Variants in HHAT observed in about 807,000 individuals in gnomAD.
The protein encoded by HHAT is protein-cysteine N-palmitoyltransferase HHAT.
HHAT carries 47 observed loss-of-function variants against 70.8 expected under a neutral mutation model. That is an observed-to-expected ratio of 0.66 (90% confidence interval 0.53 to 0.85). HHAT has a LOEUF of 0.85. Among genes scored for constraint, HHAT ranks in the 40% least tolerant of loss-of-function variants. The pLI is 0.00. For synonymous variants in HHAT, 228 were observed against 247.6 expected (o/e 0.92, Z 0.74); for missense variants, 609 against 604.8 (o/e 1.01, Z -0.07).
chr1:210,491,654 T>G (rs558316000), intron 8 of HHAT, among the ~76,000 whole-genome samples: 1 of 152,362 alleles, frequency 6.6e-6, no homozygotes, highest in East Asian at 1.9e-4. Flanking sequence ...ACTTATATTC[T>G]GCTCCCAGTT....
intron 8 of HHAT, among the ~76,000 whole-genome samples, chr1:210,507,895 A>G (rs1002991347): frequency 2.0e-5 from 3 of 152,088 alleles, no homozygotes; most frequent in Non-Finnish European, 2.9e-5. Flanking sequence ...ATCATTCCAC[A>G]TTATGTTAAA....
At chr1:210,513,006 T>C in intron 8 of HHAT, 147 bp from the exon 9 acceptor site, 1 of 557,316 alleles carries the variant, frequency 1.8e-6, no homozygotes, top group Non-Finnish European at 3.1e-6. Flanking sequence ...GGAATGCTGC[T>C]GCTCCAGCAG....
At chr1:210,400,396 C>A in intron 4 of HHAT, 72 bp from the exon 5 acceptor site, 1 of 1,358,592 alleles carries the variant, frequency 7.4e-7, no homozygotes, top group Non-Finnish European at 1.0e-6. Context: ...CTTCCATGAG[C>A]TCACTTCTGT....
At chr1:210,600,375 G>A (rs774646673) in intron 10 of HHAT, among the ~76,000 whole-genome samples, 1 of 152,086 alleles carries the variant, frequency 6.6e-6, no homozygotes, top group African/African-American at 2.4e-5. Flanking sequence ...ATTGAATACC[G>A]AAAAAAACTA....
At chr1:210,467,297 A>G (rs2094126670) in intron 8 of HHAT, among the ~76,000 whole-genome samples, 1 of 152,190 alleles carries the variant, frequency 6.6e-6, no homozygotes, top group South Asian at 2.1e-4. Flanking sequence ...AATTGAAAAA[A>G]AAGAATAACA....
At chr1:210,525,620 C>T (rs2095233918) in intron 9 of HHAT, among the ~76,000 whole-genome samples, 3 of 152,102 alleles carry the variant, frequency 2.0e-5, no homozygotes, top group Admixed American at 2.0e-4. Context: ...ATTAATGAGA[C>T]AATCCAGATT....
chr1:210,341,861 G>A (rs774034846), intron 1 of HHAT, among the ~76,000 whole-genome samples: 3 of 152,018 alleles, frequency 2.0e-5, no homozygotes, highest in Non-Finnish European at 4.4e-5. Flanking sequence ...GGTGGAGAAA[G>A]CTCCCTATTC....
chr1:210,480,613 C>T (rs529601362), intron 8 of HHAT, among the ~76,000 whole-genome samples: 22 of 152,252 alleles, frequency 1.4e-4, no homozygotes, highest in Non-Finnish European at 2.6e-4. Flanking sequence ...TGTTTGGAGC[C>T]CGTTACATCC....
chr1:210,541,726 C>CA (rs1167205526), intron 9 of HHAT, among the ~76,000 whole-genome samples: 4 of 152,076 alleles, frequency 2.6e-5, no homozygotes, highest in East Asian at 3.9e-4. Flanking sequence ...GACTCCATCT[C>CA]AAAAAACAAA....
rs1245578473 is a variant in HHAT at position 210,520,684 on chromosome 1, T to A, written c.1043+7496T>A. On this transcript the variant is annotated intron_variant, in intron 9 of 11. Transcript: ENST00000261458. ...GTCTCTGAAACATTAAATTTGTCAA[T>A]TTATAATTTTTATTGCTCTTTAGGT... 8.5e-5 allele frequency among the ~76,000 whole-genome samples: 13 copies of A among 152,214 alleles called. 1 individual carries two copies.
chr1:210,352,556 G>T (rs2087137700), intron 2 of HHAT, among the ~76,000 whole-genome samples: 1 of 152,160 alleles, frequency 6.6e-6, no homozygotes, highest in Admixed American at 6.5e-5. Flanking sequence ...TATTTGTTCA[G>T]TGAAATGTCT....
intron 11 of HHAT, among the ~76,000 whole-genome samples, chr1:210,647,179 C>T (rs1164156696): frequency 6.6e-6 from 1 of 152,178 alleles, no homozygotes; most frequent in Admixed American, 6.5e-5. Flanking sequence ...TTTCATGTTC[C>T]TTGGATTGTA....
intron 8 of HHAT, among the ~76,000 whole-genome samples, chr1:210,495,860 C>T (rs2094629102): frequency 6.6e-6 from 1 of 151,706 alleles, no homozygotes; most frequent in African/African-American, 2.4e-5. Context: ...ATACAAAAGC[C>T]AGATGGGTAT....
In HHAT at chr1:210,418,303, G is replaced by C. The variant is rs561841936; in HGVS notation, c.834G>C (p.Glu278Asp). The change falls in exon 7 of 12, where the codon GAG becomes GAC. Residue 278 changes from glutamate (E) to aspartate (D), a missense_variant. Coordinates refer to ENST00000261458, the MANE Select transcript of HHAT (RefSeq NM_018194.6). ...TCTACAGCAGCATCCCCCTCCTGGA[G>C]ACTGTCTCTTGTTGGACCTTAGGTA... is the stretch of plus-strand genomic sequence containing the variant. ...HAIYSSIPLL[E>D]TVSCWTLGGL... 6.2e-7 allele frequency: 1 copy of C among 1,602,586 alleles called. No individual in the cohort carries two copies. Among genetic ancestry groups the C allele is most frequent in the Admixed American group, 1.7e-5 (1 of 58,714 alleles).
chr1:210,590,383 A>G (rs1661399341), intron 10 of HHAT: 1 of 151,996 alleles, frequency 6.6e-6, no homozygotes, highest in Non-Finnish European at 1.5e-5. Flanking sequence ...CCTCAGTAGT[A>G]TTCAGAGTTC....
intron 9 of HHAT, among the ~76,000 whole-genome samples, chr1:210,526,656 T>A (rs1049547065): frequency 6.6e-6 from 1 of 152,104 alleles, no homozygotes; most frequent in Admixed American, 6.5e-5. Flanking sequence ...CTTAGTTTTC[T>A]TATTTGTGAG....
At chr1:210,659,318 A>G (rs1339295194) in intron 11 of HHAT, among the ~76,000 whole-genome samples, 1 of 152,242 alleles carries the variant, frequency 6.6e-6, no homozygotes, top group Non-Finnish European at 1.5e-5. Flanking sequence ...CTCTATGCAA[A>G]TAAACTAGAA....
At chr1:210,628,985 A>G (rs1670368643) in intron 11 of HHAT, among the ~76,000 whole-genome samples, 1 of 152,114 alleles carries the variant, frequency 6.6e-6, no homozygotes, top group Non-Finnish European at 1.5e-5. Context: ...CTTCCCTCTA[A>G]GTGGAGTTTT....
At chr1:210,616,389 T>C (rs181574024) in intron 10 of HHAT, among the ~76,000 whole-genome samples, 1 of 151,500 alleles carries the variant, frequency 6.6e-6, no homozygotes, top group Admixed American at 6.6e-5. Context: ...ATATTTTATA[T>C]TTTTTATTTT....
Sources: gnomAD v4.1 joint callset for allele counts (sites outside exome capture counted in the v4.1 genomes callset) on GRCh38, gnomAD v4.1.1 for gene constraint, MANE v1.5 for transcripts, NCBI Gene and HGNC (gene_info 2026-07-23, HGNC 2026-07-21) for gene names.